ST6GALNAC5: variants seen among roughly 807,000 people sequenced by gnomAD.
ST6GALNAC5 encodes the protein alpha-N-acetylgalactosaminide alpha-2,6-sialyltransferase 5.
ST6GALNAC5 carries 27 observed loss-of-function variants against 33.6 expected under a neutral mutation model. That is an observed-to-expected ratio of 0.80 (90% CI 0.59 to 1.11). ST6GALNAC5 has a LOEUF of 1.11. Ranked by LOEUF, ST6GALNAC5 falls within the 50% of genes least tolerant of loss-of-function variation. ST6GALNAC5 has a pLI of 0.00. For missense variants in ST6GALNAC5, 428 were observed against 454.0 expected, an observed-to-expected ratio of 0.94 and a Z score of 0.52; for synonymous variants, 194 against 171.2, an observed-to-expected ratio of 1.13 and a Z score of -1.04.
At chr1:77,009,591 CA>C (rs1024765966) in intron 2 of ST6GALNAC5, among the ~76,000 whole-genome samples, 39 of 152,100 alleles carry the variant, frequency 2.6e-4, no homozygotes, top group African/African-American at 9.4e-4. Context: ...AACTATAACA[CA>C]AGGTGGAAAA....
intron 2 of ST6GALNAC5, among the ~76,000 whole-genome samples, chr1:76,898,534 C>T (rs189770309): frequency 6.6e-6 from 1 of 152,024 alleles, no homozygotes; most frequent in African/African-American, 2.4e-5. Context: ...GCCTTTTGAC[C>T]TTTTAGGGTC....
intron 2 of ST6GALNAC5, among the ~76,000 whole-genome samples, chr1:76,881,890 A>G (rs987092449): frequency 2.6e-5 from 4 of 152,220 alleles, no homozygotes; most frequent in Admixed American, 1.3e-4. Flanking sequence ...ATCAAAAGGA[A>G]TTCCAGAGTG....
chr1:77,031,746 C>G (rs1651464344), intron 2 of ST6GALNAC5, among the ~76,000 whole-genome samples: 2 of 152,196 alleles, frequency 1.3e-5, no homozygotes, highest in African/African-American at 4.8e-5. Flanking sequence ...CACACATGCA[C>G]TAACTAATTT....
intron 2 of ST6GALNAC5, among the ~76,000 whole-genome samples, chr1:77,000,295 A>C (rs1650096686): frequency 8.3e-6 from 1 of 120,934 alleles, no homozygotes; most frequent in African/African-American, 2.6e-5. Flanking sequence ...TCTTCTTTTG[A>C]GAAGTGTCTG....
chr1:76,883,330 C>T (rs1653825444), intron 2 of ST6GALNAC5, among the ~76,000 whole-genome samples: 1 of 152,188 alleles, frequency 6.6e-6, no homozygotes. Context: ...AAGAACATAA[C>T]TTATCTTGGT....
At chr1:76,942,477 G>A (rs11803389) in intron 2 of ST6GALNAC5, among the ~76,000 whole-genome samples, 18,997 of 151,994 alleles carry the variant, frequency 0.12, 1,252 homozygotes, top group South Asian at 0.27. Context: ...GACTGACTGC[G>A]TTCCTTCATT....
intron 2 of ST6GALNAC5, among the ~76,000 whole-genome samples, chr1:76,902,083 A>AG (rs1646823008): frequency 1.3e-5 from 2 of 152,284 alleles, no homozygotes; most frequent in South Asian, 4.1e-4. Flanking sequence ...TTTCTTTAAA[A>AG]GAAAAAAAAG....
chr1:76,885,793 C>A (rs1185015581), intron 2 of ST6GALNAC5, among the ~76,000 whole-genome samples: 1 of 152,200 alleles, frequency 6.6e-6, no homozygotes, highest in Non-Finnish European at 1.5e-5. Flanking sequence ...GCTTCCATCT[C>A]TTTCATCCCC....
chr1:77,050,344 T>C lies in ST6GALNAC5; in HGVS notation c.758T>C (p.Met253Thr), dbSNP rs750569380. The change falls in exon 4 of 5, where the codon ATG (methionine) becomes ACG (threonine). Residue 253 changes from methionine to threonine, a missense_variant. Transcript: ENST00000477717. ...TGTGACAGGATCAATGTTTATGGCA[T>C]GGTGCCCCCAGACTTCTGCAGGTAG... is the stretch of plus-strand genomic sequence containing the variant. ...ELCDRINVYG[M>T]VPPDFCRDPN... 2 of 1,614,102 alleles carry C rather than the reference T, an allele frequency of 1.2e-6. No individual in the cohort carries two copies. Among genetic ancestry groups the C allele is most frequent in the Non-Finnish European group, 1.7e-6 (2 of 1,179,924 alleles).
chr1:76,945,892 GAA>G (rs1384095994), intron 2 of ST6GALNAC5, among the ~76,000 whole-genome samples: 1 of 151,980 alleles, frequency 6.6e-6, no homozygotes, highest in Admixed American at 6.6e-5. Flanking sequence ...GGTAGTCACA[GAA>G]AAAAATAGCC....
intron 2 of ST6GALNAC5, among the ~76,000 whole-genome samples, chr1:76,988,299 T>C (rs1273578890): frequency 2.6e-5 from 4 of 152,102 alleles, no homozygotes; most frequent in African/African-American, 9.6e-5. Context: ...TTTGATTCTG[T>C]CACTATCTTC....
intron 2 of ST6GALNAC5, among the ~76,000 whole-genome samples, chr1:76,953,016 A>G (rs982303863): frequency 6.6e-6 from 1 of 152,138 alleles, no homozygotes; most frequent in Non-Finnish European, 1.5e-5. Context: ...AGTTGCATGT[A>G]TCATTTCTTT....
intron 2 of ST6GALNAC5, among the ~76,000 whole-genome samples, chr1:76,984,370 G>C (rs1032552041): frequency 1.3e-5 from 2 of 151,856 alleles, no homozygotes; most frequent in Non-Finnish European, 2.9e-5. Context: ...ACTACCATCA[G>C]AGAATACTAT....
At chr1:76,923,580 C>G (rs964184725) in intron 2 of ST6GALNAC5, among the ~76,000 whole-genome samples, 4 of 152,000 alleles carry the variant, frequency 2.6e-5, no homozygotes, top group Non-Finnish European at 5.9e-5. Flanking sequence ...GTAATCTCAG[C>G]TACTTGGGAG....
intron 2 of ST6GALNAC5, among the ~76,000 whole-genome samples, chr1:76,985,880 A>G (rs1474177155): frequency 6.6e-6 from 1 of 152,212 alleles, no homozygotes; most frequent in Non-Finnish European, 1.5e-5. Flanking sequence ...GATCTTTGAC[A>G]AACCTGACAA....
chr1:76,915,249 T>G (rs1268322341), intron 2 of ST6GALNAC5, among the ~76,000 whole-genome samples: 1 of 151,632 alleles, frequency 6.6e-6, no homozygotes, highest in Non-Finnish European at 1.5e-5. Flanking sequence ...TTGGTGGGAC[T>G]GTAAACTAGT....
intron 2 of ST6GALNAC5, among the ~76,000 whole-genome samples, chr1:76,974,095 A>G (rs916488371): frequency 1.3e-5 from 2 of 152,032 alleles, no homozygotes; most frequent in Non-Finnish European, 2.9e-5. Flanking sequence ...TGGTGTTTCT[A>G]TTAGATTCAA....
At chr1:76,882,857 T>A (rs1468542331) in intron 2 of ST6GALNAC5, among the ~76,000 whole-genome samples, 2 of 152,106 alleles carry the variant, frequency 1.3e-5, no homozygotes, top group East Asian at 3.9e-4. Flanking sequence ...AGGATCTTGC[T>A]GGCCTAATTC....
At chr1:76,877,382 C>T (rs374231907) in intron 2 of ST6GALNAC5, among the ~76,000 whole-genome samples, 2 of 152,194 alleles carry the variant, frequency 1.3e-5, no homozygotes, top group African/African-American at 4.8e-5. Context: ...CTGGACCCCA[C>T]TCAAAACTGG....
Sources: gnomAD v4.1 joint callset for allele counts (sites outside exome capture counted in the v4.1 genomes callset) on GRCh38, gnomAD v4.1.1 for gene constraint, MANE v1.5 for transcripts, NCBI Gene and HGNC (gene_info 2026-07-23, HGNC 2026-07-21) for gene names.